The following GRIK4 variants were observed in gnomAD, a reference collection of about 807,000 sequenced individuals.
The protein encoded by GRIK4 is glutamate receptor ionotropic, kainate 4.
GRIK4 carries 40 observed loss-of-function variants against 104.9 expected under a neutral mutation model. That is an observed-to-expected ratio of 0.38 (90% CI 0.30 to 0.50). GRIK4 has a LOEUF of 0.50. GRIK4 is among the 20% of genes least tolerant of loss of function. The probability of loss-of-function intolerance (pLI) is 0.93; values close to 1 mark genes in which losing one functional copy is unlikely to be tolerated. For missense variants in GRIK4, 1,047 were observed against 1,308.1 expected (o/e 0.80, Z 3.08); for synonymous variants, 485 against 524.9 (o/e 0.92, Z 1.04).
intron 3 of GRIK4, among the ~76,000 whole-genome samples, chr11:120,683,120 C>T (rs1463638701): frequency 6.6e-6 from 1 of 152,120 alleles, no homozygotes; most frequent in Admixed American, 6.5e-5. Context: ...TTGACTAACA[C>T]AGAGTGGACA....
intron 1 of GRIK4, among the ~76,000 whole-genome samples, chr11:120,608,841 A>G (rs1350948998): frequency 6.6e-6 from 1 of 152,074 alleles, no homozygotes; most frequent in Non-Finnish European, 1.5e-5. Context: ...TTCAAGGTGG[A>G]TAGGCCTGGC....
intron 1 of GRIK4, among the ~76,000 whole-genome samples, chr11:120,518,342 G>T (rs1370024907): frequency 6.6e-6 from 1 of 152,192 alleles, no homozygotes; most frequent in South Asian, 2.1e-4. Context: ...TTATTGTGTT[G>T]CATCCTCATA....
Position 120,668,101 on chromosome 11 carries a change from G to GGATGGATA in GRIK4, c.82+7704_82+7705insGGATAGAT, listed in dbSNP as rs1482583970. ...CTGTCTCATAGATGGATAGATAGATGGATAGATAGATAGATAGATAGATAG... is the reference window on the plus strand; with the variant it reads ...CTGTCTCATAGATGGATAGATAGATGGATGGATAGATAGATAGATAGATAGATAGATAG... On this transcript the variant is annotated intron_variant, in intron 3 of 20. Transcript: ENST00000527524. Among the ~76,000 whole-genome samples, 35 of 144,212 alleles carry GGATGGATA rather than the reference G, an allele frequency of 2.4e-4. No homozygotes were observed. The East Asian group carries it at 5.7e-3, about 23-fold the overall frequency. 94.6% of individuals were successfully genotyped at this position (144,212 alleles called of 152,430 possible). A position where few individuals can be genotyped will look rare whatever the true frequency, so the allele number is the denominator to read the frequency against.
chr11:120,783,334 G>A (rs1034229315), intron 3 of GRIK4, among the ~76,000 whole-genome samples: 4 of 151,698 alleles, frequency 2.6e-5, no homozygotes, highest in East Asian at 1.9e-4. Flanking sequence ...TCTGCTTGGC[G>A]CTGCCTCCTG....
intron 3 of GRIK4, among the ~76,000 whole-genome samples, chr11:120,703,842 T>C (rs1315957040): frequency 6.6e-6 from 1 of 152,208 alleles, no homozygotes; most frequent in Admixed American, 6.5e-5. Flanking sequence ...CTGTTTCCTA[T>C]ACATGGTAGG....
intron 1 of GRIK4, among the ~76,000 whole-genome samples, chr11:120,644,028 T>TGTGTGTGC (rs1259725915): frequency 8.6e-6 from 1 of 115,784 alleles, no homozygotes; most frequent in Non-Finnish European, 1.7e-5. Flanking sequence ...TGTGTGTGTG[T>TGTGTGTGC]GTGTGTGTGT....
At chr11:120,536,694 A>G (rs575037712) in intron 1 of GRIK4, among the ~76,000 whole-genome samples, 5 of 152,294 alleles carry the variant, frequency 3.3e-5, no homozygotes, top group African/African-American at 9.6e-5. Context: ...GGATTATCCA[A>G]TTGATATGAG....
chr11:120,628,456 A>C (rs1949287926), intron 1 of GRIK4, among the ~76,000 whole-genome samples: 1 of 152,092 alleles, frequency 6.6e-6, no homozygotes, highest in Non-Finnish European at 1.5e-5. Context: ...GGCCTCCCTG[A>C]CCACCAGACA....
At chr11:120,632,862 T>G (rs1949348485) in intron 1 of GRIK4, among the ~76,000 whole-genome samples, 2 of 152,114 alleles carry the variant, frequency 1.3e-5, no homozygotes, top group South Asian at 4.1e-4. Flanking sequence ...ACACCCAGCT[T>G]GGGGCCATTG....
chr11:120,593,558 C>T (rs1433536418), intron 1 of GRIK4, among the ~76,000 whole-genome samples: 1 of 152,026 alleles, frequency 6.6e-6, no homozygotes, highest in Non-Finnish European at 1.5e-5. Context: ...CCCTTTACTC[C>T]TGTCTAAATG....
rs761127391 is a variant in GRIK4, at chr11:120,986,264, C to T, written c.*4C>T. On this transcript the variant is annotated 3_prime_UTR_variant, in exon 21 of 21. Transcript: ENST00000527524. ...CAACAGCAGCGAGCCCGAGTAGTCC[C>T]GGAGGCCACAGGACGCGCAGAGGCC... 5.4e-5 allele frequency: 69 copies of T among 1,280,792 alleles called. No individual in the cohort carries two copies. Among genetic ancestry groups the T allele is most frequent in the Admixed American group, 1.7e-4 (8 of 48,212 alleles). 79.3% of individuals were successfully genotyped at this position (1,280,792 alleles called of 1,614,324 possible). A position where few individuals can be genotyped will look rare whatever the true frequency, so the allele number is the denominator to read the frequency against.
chr11:120,683,497 A>C (rs1364536908), intron 3 of GRIK4, among the ~76,000 whole-genome samples: 1 of 152,178 alleles, frequency 6.6e-6, no homozygotes, highest in Non-Finnish European at 1.5e-5. Context: ...GATGGACATA[A>C]GATATTAGAA....
intron 19 of GRIK4, among the ~76,000 whole-genome samples, chr11:120,971,863 G>C (rs1464556852): frequency 6.6e-6 from 1 of 152,180 alleles, no homozygotes; most frequent in African/African-American, 2.4e-5. Context: ...GGTAGGATGA[G>C]GTTGGACTTA....
chr11:120,587,141 C>T (rs576442263), intron 1 of GRIK4, among the ~76,000 whole-genome samples: 4 of 152,096 alleles, frequency 2.6e-5, no homozygotes, highest in Admixed American at 6.5e-5. Flanking sequence ...TTATTAGAGG[C>T]GGCAGTCTCT....
intron 1 of GRIK4, among the ~76,000 whole-genome samples, chr11:120,614,341 C>A (rs892354651): frequency 6.6e-6 from 1 of 152,150 alleles, no homozygotes; most frequent in Non-Finnish European, 1.5e-5. Context: ...TGTGGCCACC[C>A]GGGGCCCAAT....
chr11:120,679,547 TCTGC>T (rs1393955664), intron 3 of GRIK4, among the ~76,000 whole-genome samples: 2 of 152,196 alleles, frequency 1.3e-5, no homozygotes, highest in Non-Finnish European at 2.9e-5. Flanking sequence ...AGGCAGGGTG[TCTGC>T]CTAGAGTTGT....
chr11:120,930,714 G>A (rs1943465741), intron 13 of GRIK4, among the ~76,000 whole-genome samples: 1 of 152,222 alleles, frequency 6.6e-6, no homozygotes, highest in Non-Finnish European at 1.5e-5. Flanking sequence ...TGAAGAGTAG[G>A]TGGAGTTGAT....
At chr11:120,532,062 G>A (rs1341761087) in intron 1 of GRIK4, among the ~76,000 whole-genome samples, 7 of 152,130 alleles carry the variant, frequency 4.6e-5, no homozygotes, top group South Asian at 2.1e-4. Context: ...ATTCAGGAGC[G>A]CACCTGGCAG....
intron 11 of GRIK4, among the ~76,000 whole-genome samples, chr11:120,885,636 C>T (rs1044461283): frequency 5.3e-5 from 8 of 152,142 alleles, no homozygotes; most frequent in East Asian, 3.9e-4. Context: ...CTGCCCGCCT[C>T]GGCCTCCCAA....
Sources: gnomAD v4.1 joint callset for allele counts (sites outside exome capture counted in the v4.1 genomes callset) on GRCh38, gnomAD v4.1.1 for gene constraint, MANE v1.5 for transcripts, NCBI Gene and HGNC (gene_info 2026-07-23, HGNC 2026-07-21) for gene names.